The following SHROOM3 variants were observed in gnomAD, a reference collection of about 807,000 sequenced individuals.
SHROOM3 encodes shroom family member 3, also known as protein Shroom3.
In SHROOM3, 47 loss-of-function variants were observed where a neutral mutation model predicts 138.6. The ratio of observed to expected loss-of-function variants is 0.34; its 90% CI spans 0.27 to 0.43. The LOEUF (loss-of-function observed/expected upper bound fraction) is 0.43, where lower values mean the gene tolerates loss of function less well. SHROOM3 is among the 20% of genes least tolerant of loss of function. The pLI is 1.00. For missense variants in SHROOM3, 2,491 were observed against 2,596.5 expected, an observed-to-expected ratio of 0.96 and a Z score of 0.88; for synonymous variants, 1,062 against 1,063.3, an observed-to-expected ratio of 1.00 and a Z score of 0.02.
intron 2 of SHROOM3, among the ~76,000 whole-genome samples, chr4:76,578,602 G>C (rs1341521177): frequency 6.6e-6 from 1 of 152,184 alleles, no homozygotes; most frequent in African/African-American, 2.4e-5. Flanking sequence ...AGATGTGAAC[G>C]AGACAACAAT....
At chr4:76,539,025 A>G (rs561258993) in intron 1 of SHROOM3, among the ~76,000 whole-genome samples, 1 of 152,312 alleles carries the variant, frequency 6.6e-6, no homozygotes, top group Non-Finnish European at 1.5e-5. Context: ...ATTAGATGGA[A>G]GAAGTTGTGA....
intron 2 of SHROOM3, among the ~76,000 whole-genome samples, chr4:76,641,885 A>T (rs1735679807): frequency 6.6e-6 from 1 of 152,200 alleles, no homozygotes; most frequent in South Asian, 2.1e-4. Flanking sequence ...AGGAAGATGG[A>T]AATATACTCC....
At chr4:76,681,539 C>A (rs1719191220) in intron 2 of SHROOM3, among the ~76,000 whole-genome samples, 1 of 149,446 alleles carries the variant, frequency 6.7e-6, no homozygotes, top group Non-Finnish European at 1.5e-5. Flanking sequence ...AATTCAGGAT[C>A]CCCTCTAGCT....
At chr4:76,459,820 A>G (rs1332185733) in intron 1 of SHROOM3, among the ~76,000 whole-genome samples, 1 of 152,192 alleles carries the variant, frequency 6.6e-6, no homozygotes, top group East Asian at 1.9e-4. Context: ...CGAGAGTGGC[A>G]CAAAAGAGCT....
rs1373125185 is a variant in SHROOM3, at chr4:76,722,982, C to T, written c.456-7822C>T. ...ATTTTGTATTCTTATACACTTGACTCGGGTCCAGTTGATAACTGGCAGAGT... is the reference window on the plus strand; with the variant it reads ...ATTTTGTATTCTTATACACTTGACTTGGGTCCAGTTGATAACTGGCAGAGT... On this transcript the variant is annotated intron_variant, in intron 3 of 10. Coordinates refer to ENST00000296043, the MANE Select transcript of SHROOM3 (RefSeq NM_020859.4). Among the ~76,000 whole-genome samples, 4 of 151,906 alleles carry T rather than the reference C, an allele frequency of 2.6e-5. No homozygotes were observed. The South Asian group carries it at 6.3e-4, about 24-fold the overall frequency.
rs752151821 is a variant in SHROOM3 at position 76,755,185 on chromosome 4, C to T, written c.4702C>T (p.Arg1568Cys). Residue 1568 changes from arginine (R) to cysteine (C), a missense_variant, in exon 7 of 11, where the codon CGC (arginine) becomes TGC (cysteine). By Grantham distance (180) the Arg-to-Cys change is radical. Coordinates refer to ENST00000296043, the MANE Select transcript of SHROOM3 (RefSeq NM_020859.4). ...QLDSEDPEGP[R>C]PSFNKLSKVT... ...GGACAGTGAGGATCCCGAGGGGCCACGCCCCAGGTGAGTGAGCAGACTGGG... is the reference window on the plus strand; with the variant it reads ...GGACAGTGAGGATCCCGAGGGGCCATGCCCCAGGTGAGTGAGCAGACTGGG... 2.7e-5 allele frequency: 44 copies of T among 1,613,582 alleles called. No homozygotes were observed. Among genetic ancestry groups the T allele is most frequent in the Middle Eastern group, 1.6e-4 (1 of 6,084 alleles).
intron 3 of SHROOM3, among the ~76,000 whole-genome samples, chr4:76,717,061 T>C (rs1193573057): frequency 6.6e-6 from 1 of 152,252 alleles, no homozygotes; most frequent in Non-Finnish European, 1.5e-5. Context: ...AAGACTTTAC[T>C]TCTTTCAACA....
intron 1 of SHROOM3, among the ~76,000 whole-genome samples, chr4:76,472,756 G>A (rs78903472): frequency 5.9e-5 from 9 of 151,494 alleles, no homozygotes; most frequent in African/African-American, 1.5e-4. Flanking sequence ...GTGCAGTGGC[G>A]TGATCTCAGC....
intron 2 of SHROOM3, among the ~76,000 whole-genome samples, chr4:76,656,953 C>T (rs1156399555): frequency 1.3e-5 from 2 of 152,138 alleles, no homozygotes; most frequent in Non-Finnish European, 2.9e-5. Context: ...GGGTGGATCA[C>T]CTGAGGTCAG....
chr4:76,681,379 T>C (rs1050671531), intron 2 of SHROOM3, among the ~76,000 whole-genome samples: 5 of 152,140 alleles, frequency 3.3e-5, no homozygotes, highest in African/African-American at 1.2e-4. Context: ...AGGCATAGTA[T>C]TGAACACTTA....
intron 1 of SHROOM3, among the ~76,000 whole-genome samples, chr4:76,472,984 C>T (rs756389461): frequency 1.3e-5 from 2 of 152,190 alleles, no homozygotes; most frequent in Non-Finnish European, 1.5e-5. Context: ...TGAGCCACCA[C>T]GGCCGGCCAG....
intron 1 of SHROOM3, among the ~76,000 whole-genome samples, chr4:76,535,745 G>T (rs541817536): frequency 6.6e-6 from 1 of 152,314 alleles, no homozygotes; most frequent in South Asian, 2.1e-4. Flanking sequence ...AGGGAGTTTG[G>T]CTGGGAGCCA....
chr4:76,458,197 A>G (rs1027954841), intron 1 of SHROOM3, among the ~76,000 whole-genome samples: 1 of 152,250 alleles, frequency 6.6e-6, no homozygotes, highest in African/African-American at 2.4e-5. Context: ...TCATATTCAT[A>G]TATTTTTGAG....
intron 2 of SHROOM3, among the ~76,000 whole-genome samples, chr4:76,667,668 A>C (rs13113020): frequency 0.042 from 6,316 of 151,862 alleles, 231 homozygotes; most frequent in Admixed American, 0.12. Context: ...AGCAAATAGA[A>C]GATGTTATTA....
At chr4:76,763,799 CTTACAT>C (rs948208776) in intron 9 of SHROOM3, among the ~76,000 whole-genome samples, 12 of 152,154 alleles carry the variant, frequency 7.9e-5, no homozygotes, top group African/African-American at 2.4e-4. Flanking sequence ...ATTGGTATCA[CTTACAT>C]TTACATATCT....
chr4:76,633,472 C>T (rs1163128357), intron 2 of SHROOM3, among the ~76,000 whole-genome samples: 1 of 151,314 alleles, frequency 6.6e-6, no homozygotes, highest in Non-Finnish European at 1.5e-5. Context: ...CTGACTAACA[C>T]GGTGAAAGCC....
chr4:76,470,500 A>G (rs1731347221), intron 1 of SHROOM3, among the ~76,000 whole-genome samples: 1 of 152,220 alleles, frequency 6.6e-6, no homozygotes, highest in Non-Finnish European at 1.5e-5. Context: ...TACAATCAAG[A>G]TACAAGACTA....
chr4:76,647,766 T>C (rs969858372), intron 2 of SHROOM3, among the ~76,000 whole-genome samples: 3 of 152,040 alleles, frequency 2.0e-5, no homozygotes, highest in Non-Finnish European at 2.9e-5. Flanking sequence ...TGTGGTGATG[T>C]GCACCTGTAG....
At chr4:76,598,531 TCAGGGCTG>T (rs1734437826) in intron 2 of SHROOM3, among the ~76,000 whole-genome samples, 1 of 152,114 alleles carries the variant, frequency 6.6e-6, no homozygotes, top group Non-Finnish European at 1.5e-5. Flanking sequence ...GAACCTTAAG[TCAGGGCTG>T]CAGGGCTGAT....
Sources: gnomAD v4.1 joint callset for allele counts (sites outside exome capture counted in the v4.1 genomes callset) on GRCh38, gnomAD v4.1.1 for gene constraint, MANE v1.5 for transcripts, NCBI Gene and HGNC (gene_info 2026-07-23, HGNC 2026-07-21) for gene names.